The following ZNF705G variants were observed in gnomAD, a reference collection of about 807,000 sequenced individuals.
ZNF705G encodes putative zinc finger protein 705G.
ZNF705G carries 23 observed loss-of-function variants against 19.6 expected under a neutral mutation model. The ratio of observed to expected loss-of-function variants is 1.17; its 90% CI spans 0.84 to 1.66. The LOEUF is 1.66. Ranked by LOEUF, ZNF705G falls within the 40% of genes most tolerant of loss-of-function variation. ZNF705G has a pLI of 0.00. For missense variants in ZNF705G, 457 were observed against 354.4 expected (o/e 1.29, Z -2.32); for synonymous variants, 146 against 117.7 (o/e 1.24, Z -1.56).
chr8:7,369,093 A>C (rs1193646606), intron 2 of ZNF705G, among the ~76,000 whole-genome samples: 4 of 149,484 alleles, frequency 2.7e-5, no homozygotes, highest in Admixed American at 6.6e-5. Context: ...TCCCCTTATC[A>C]AACCATCACA....
chr8:7,360,002 A>G (rs1462559332), intron 5 of ZNF705G, among the ~76,000 whole-genome samples: 10 of 149,396 alleles, frequency 6.7e-5, no homozygotes, highest in Admixed American at 2.6e-4. Flanking sequence ...ACCCCAGCCA[A>G]GTACATGAAT....
At chr8:7,382,653 C>A (rs1405416813) in intron 1 of ZNF705G, among the ~76,000 whole-genome samples, 1 of 146,536 alleles carries the variant, frequency 6.8e-6, no homozygotes, top group East Asian at 1.9e-4. Flanking sequence ...TGAATTCATG[C>A]AAGATTACTT....
rs1462287242 is a variant in ZNF705G, at chr8:7,381,031, A to C, written c.-72+421T>G. On this transcript the variant is annotated intron_variant, in intron 2 of 6. Transcript: ENST00000400156. ...ACTCTGTCTCAAACCACCACCAAAA[A>C]AAAAAAAAAAAAAAAAAAAAAACAC... 1.5e-4 allele frequency among the ~76,000 whole-genome samples: 20 copies of C among 129,934 alleles called. 1 individual carries two copies. Among genetic ancestry groups the C allele is most frequent in the African/African-American group, 6.7e-4 (17 of 25,286 alleles). 85.2% of individuals were successfully genotyped at this position (129,934 alleles called of 152,430 possible). A position where few individuals can be genotyped will look rare whatever the true frequency, so the allele number is the denominator to read the frequency against.
rs1247486945 is a variant in ZNF705G at position 7,356,840 on chromosome 8, G to C, written c.*1136C>G. On this transcript the variant is annotated 3_prime_UTR_variant, in exon 7 of 7. Transcript: ENST00000400156. ...TATTCTTTCAATATTTGTAAGTATT[G>C]ATCTTTTGGAAAAGTTTAATGAGAT... 1 of 149,874 alleles carries C rather than the reference G, an allele frequency of 6.7e-6. No homozygotes were observed. The highest frequency in any genetic ancestry group is 1.5e-5 in the Non-Finnish European group (1 of 68,026). 9.3% of individuals were successfully genotyped at this position (149,874 alleles called of 1,614,324 possible).
intron 1 of ZNF705G, among the ~76,000 whole-genome samples, chr8:7,382,044 C>T (rs1411993996): frequency 2.7e-4 from 41 of 152,216 alleles, no homozygotes; most frequent in South Asian, 6.2e-4. Context: ...CACACAAGGG[C>T]GTGATACAAA....
Position 7,375,132 on chromosome 8 carries a change from A to G in ZNF705G, c.-72+6320T>C, listed in dbSNP as rs1807207622. ...GGTTTGGGGTATGAATAACTCTGTCACGCAGGTAGGGTGTGCCCAAAGAGT... is the reference window on the plus strand; with the variant it reads ...GGTTTGGGGTATGAATAACTCTGTCGCGCAGGTAGGGTGTGCCCAAAGAGT... On this transcript the variant is annotated intron_variant, in intron 2 of 6. Transcript: ENST00000400156. Among the ~76,000 whole-genome samples, 2 of 94,160 alleles carry G rather than the reference A, an allele frequency of 2.1e-5. 1 individual carries two copies. The highest frequency in any genetic ancestry group is 4.2e-5 in the Non-Finnish European group (2 of 48,096). 61.8% of individuals were successfully genotyped at this position (94,160 alleles called of 152,430 possible).
rs576734798 is a variant in ZNF705G at position 7,357,272 on chromosome 8, A to T, written c.*704T>A. 3.3e-5 allele frequency: 5 copies of T among 151,834 alleles called. No homozygotes were observed. The East Asian group carries it at 9.6e-4, about 29-fold the overall frequency. The allele number at this position is 151,834 out of a possible 1,614,324, so 9.4% of individuals were successfully genotyped here. ...AGTAAGAAGTATTTGGTATTCCAAG[A>T]GAATTCATTGCCCTTGGAAAGATTT... On this transcript the variant is annotated 3_prime_UTR_variant, in exon 7 of 7. Coordinates refer to ENST00000400156, the MANE Select transcript of ZNF705G (RefSeq NM_001164457.3).
chr8:7,360,421 T>A lies in ZNF705G; in HGVS notation c.140-89A>T, dbSNP rs879083557. On this transcript the variant is annotated intron_variant, in intron 4 of 6. Transcript: ENST00000400156. ...TGTAATGCAGGCTATCAAGGAAGAA[T>A]AAAAACAGTGAAGGTCAGCTCAGGC... 385 of 1,570,524 alleles carry A rather than the reference T, an allele frequency of 2.5e-4. 15 individuals carry two copies. The South Asian group carries it at 4.1e-3, about 17-fold the overall frequency.
At chr8:7,358,666 T>C (rs1282603708) in intron 6 of ZNF705G, 106 bp from the exon 7 acceptor site, 34 of 1,519,726 alleles carry the variant, frequency 2.2e-5, no homozygotes, top group Non-Finnish European at 3.0e-5. Context: ...TAGACCCCAG[T>C]TGAAAGCTTT....
rs1256028043 is a variant in ZNF705G, at chr8:7,375,249, G to A, written c.-72+6203C>T. Among the ~76,000 whole-genome samples the A allele has an allele frequency of 6.6e-5, 6 of 90,734 alleles. 2 individuals are homozygous for A. Among genetic ancestry groups the A allele is most frequent in the Admixed American group, 5.0e-4 (4 of 7,928 alleles). The allele number at this position is 90,734 out of a possible 152,430, so 59.5% of individuals were successfully genotyped here. On this transcript the variant is annotated intron_variant, in intron 2 of 6. Transcript: ENST00000400156. The stretch of plus-strand genomic sequence containing the variant: ...TTATGTCCATGTGCACTCATTGCTC[G>A]GCTCCCCCTTATAACTGAGAATATG...
At chr8:7,358,681 T>C in intron 6 of ZNF705G, 121 bp from the exon 7 acceptor site, 1 of 1,475,346 alleles carries the variant, frequency 6.8e-7, no homozygotes, top group South Asian at 1.4e-5. Context: ...AGCTTTCCAA[T>C]GTTTCTTGTG....
At chr8:7,383,125 A>ATTTTTTTTTT (rs5889203) in intron 1 of ZNF705G, among the ~76,000 whole-genome samples, 19 of 125,792 alleles carry the variant, frequency 1.5e-4, no homozygotes, top group East Asian at 2.3e-4. Context: ...TCAATGTTTG[A>ATTTTTTTTTT]TTTTTTTTTT....
At chr8:7,362,656 G>A (rs1051434068) in intron 3 of ZNF705G, among the ~76,000 whole-genome samples, 2 of 149,356 alleles carry the variant, frequency 1.3e-5, no homozygotes, top group African/African-American at 5.2e-5. Context: ...CTTAATAGGG[G>A]CTGGAATAAA....
intron 1 of ZNF705G, among the ~76,000 whole-genome samples, chr8:7,384,242 C>T (rs1427862983): frequency 5.6e-5 from 8 of 142,002 alleles, no homozygotes; most frequent in Non-Finnish European, 1.0e-4. Context: ...GCTCCAGTGT[C>T]TCCTGTTTAT....
chr8:7,382,971 C>A (rs1807565217), intron 1 of ZNF705G, among the ~76,000 whole-genome samples: 1 of 147,688 alleles, frequency 6.8e-6, no homozygotes, highest in Non-Finnish European at 1.5e-5. Flanking sequence ...TCCATCATAT[C>A]ACTCTGTATG....
intron 1 of ZNF705G, among the ~76,000 whole-genome samples, chr8:7,385,208 G>T (rs571776292): frequency 1.6e-4 from 23 of 148,370 alleles, no homozygotes; most frequent in Admixed American, 1.5e-3. Context: ...GTGGGTAAAG[G>T]TCAGTGCTCC....
intron 6 of ZNF705G, among the ~76,000 whole-genome samples, chr8:7,358,981 G>A (rs1459925158): frequency 6.7e-6 from 1 of 149,518 alleles, no homozygotes; most frequent in Non-Finnish European, 1.5e-5. Flanking sequence ...TTTTGCCTAT[G>A]TTGTCTTATG....
At chr8:7,382,117 T>G (rs1359900621) in intron 1 of ZNF705G, among the ~76,000 whole-genome samples, 7 of 151,650 alleles carry the variant, frequency 4.6e-5, no homozygotes, top group African/African-American at 1.5e-4. Flanking sequence ...TAAAGCATCC[T>G]TTAGTGGTGA....
intron 3 of ZNF705G, among the ~76,000 whole-genome samples, chr8:7,362,021 T>G (rs1807268): frequency 6.7e-6 from 1 of 148,952 alleles, no homozygotes; most frequent in Admixed American, 6.6e-5. Flanking sequence ...GATATGAAGC[T>G]TTCTGTTCTC....
Sources: allele counts gnomAD v4.1 joint callset (sites outside exome capture counted in the v4.1 genomes callset), GRCh38; gene constraint gnomAD v4.1.1; transcripts MANE v1.5; gene names NCBI Gene and HGNC (gene_info 2026-07-23, HGNC 2026-07-21).